Variants in LRRC4C observed in about 807,000 individuals in gnomAD.
LRRC4C encodes the protein leucine-rich repeat-containing protein 4C.
LRRC4C carries 5 observed loss-of-function variants against 33.6 expected under a neutral mutation model. That is an observed-to-expected ratio of 0.15 (90% CI 0.08 to 0.31). The LOEUF is 0.31. LRRC4C is among the 10% of genes least tolerant of loss of function. The pLI is 1.00. For missense variants in LRRC4C, 560 were observed against 796.7 expected, an observed-to-expected ratio of 0.70 and a Z score of 3.58; for synonymous variants, 329 against 302.0, an observed-to-expected ratio of 1.09 and a Z score of -0.93.
At chr11:40,571,349 C>G (rs1957976281) in intron 3 of LRRC4C, among the ~76,000 whole-genome samples, 1 of 151,892 alleles carries the variant, frequency 6.6e-6, no homozygotes, top group Admixed American at 6.6e-5. Flanking sequence ...TTGTATTTTC[C>G]TTGTATTGTA....
intron 1 of LRRC4C, among the ~76,000 whole-genome samples, chr11:41,067,623 GC>G (rs1244404444): frequency 6.6e-6 from 1 of 152,162 alleles, no homozygotes; most frequent in Admixed American, 6.5e-5. Context: ...GCTTTTCAGT[GC>G]CGCATGGCAC....
At chr11:40,227,964 C>A (rs1248642434) in intron 5 of LRRC4C, among the ~76,000 whole-genome samples, 3 of 152,154 alleles carry the variant, frequency 2.0e-5, no homozygotes, top group Admixed American at 6.5e-5. Context: ...ATCTGCATGA[C>A]AGTTTATGAT....
chr11:41,332,011 A>G (rs183714895), intron 1 of LRRC4C, among the ~76,000 whole-genome samples: 2 of 152,290 alleles, frequency 1.3e-5, no homozygotes. Context: ...TCTTAACCTT[A>G]TATGTATTTG....
intron 2 of LRRC4C, among the ~76,000 whole-genome samples, chr11:40,680,952 A>G (rs1375832669): frequency 1.3e-5 from 2 of 152,250 alleles, no homozygotes; most frequent in Non-Finnish European, 2.9e-5. Flanking sequence ...TGAACATGTT[A>G]CATTTTAAGT....
intron 1 of LRRC4C, among the ~76,000 whole-genome samples, chr11:41,211,584 G>GT (rs1438743556): frequency 6.6e-6 from 1 of 152,040 alleles, no homozygotes; most frequent in African/African-American, 2.4e-5. Context: ...GCAGTGTTTG[G>GT]TTTTTTGTCC....
rs191921493 is a variant in LRRC4C at position 40,168,401 on chromosome 11, C to T, written c.-95-27548G>A. ...GTTTTGAGCTGAGTAAAGAAGGGTT[C>T]GTTCAGATTTGCTCTAGTTTGCGTC... On this transcript the variant is annotated intron_variant, in intron 5 of 6. Transcript: ENST00000528697. Among the ~76,000 whole-genome samples the T allele has an allele frequency of 4.1e-4, 63 of 152,318 alleles. 1 individual carries two copies. Among genetic ancestry groups the T allele is most frequent in the South Asian group, 1.4e-3 (7 of 4,830 alleles).
intron 3 of LRRC4C, among the ~76,000 whole-genome samples, chr11:40,462,898 A>T (rs1411677225): frequency 6.6e-6 from 1 of 152,080 alleles, no homozygotes; most frequent in African/African-American, 2.4e-5. Flanking sequence ...CAAAAAATGG[A>T]TGAAGAATCT....
intron 1 of LRRC4C, among the ~76,000 whole-genome samples, chr11:41,068,824 C>T (rs1180031523): frequency 6.6e-6 from 1 of 151,950 alleles, no homozygotes; most frequent in Non-Finnish European, 1.5e-5. Context: ...GATTAACGGC[C>T]GAATTCTACC....
intron 3 of LRRC4C, among the ~76,000 whole-genome samples, chr11:40,510,403 T>C (rs1372529405): frequency 6.6e-6 from 1 of 151,970 alleles, no homozygotes; most frequent in East Asian, 1.9e-4. Context: ...AACAAACACA[T>C]GTGCATACAC....
intron 2 of LRRC4C, among the ~76,000 whole-genome samples, chr11:40,762,268 G>A (rs111376650): frequency 1.3e-5 from 2 of 152,146 alleles, no homozygotes; most frequent in Non-Finnish European, 2.9e-5. Flanking sequence ...ATTATCTAAG[G>A]TTGGTGATAC....
chr11:40,902,007 C>T (rs1565184681), intron 2 of LRRC4C, among the ~76,000 whole-genome samples: 1 of 93,280 alleles, frequency 1.1e-5, no homozygotes, highest in East Asian at 2.6e-4. Context: ...TCTACACACA[C>T]ACACACACAC....
At chr11:40,944,048 A>G (rs770303182) in intron 1 of LRRC4C, among the ~76,000 whole-genome samples, 4 of 152,200 alleles carry the variant, frequency 2.6e-5, no homozygotes. Context: ...GTAAATACAC[A>G]TCATTACATC....
At chr11:41,028,800 A>T (rs1175642629) in intron 1 of LRRC4C, among the ~76,000 whole-genome samples, 1 of 151,560 alleles carries the variant, frequency 6.6e-6, no homozygotes, top group African/African-American at 2.4e-5. Flanking sequence ...CATGGGGGCA[A>T]ATATATTACT....
intron 2 of LRRC4C, among the ~76,000 whole-genome samples, chr11:40,744,597 A>G (rs1948327351): frequency 6.6e-6 from 1 of 152,144 alleles, no homozygotes; most frequent in African/African-American, 2.4e-5. Flanking sequence ...TTACCATAGT[A>G]TCCTATACTG....
intron 3 of LRRC4C, among the ~76,000 whole-genome samples, chr11:40,451,507 T>C (rs1951886012): frequency 1.4e-5 from 2 of 147,926 alleles, no homozygotes; most frequent in East Asian, 4.3e-4. Context: ...TGCCTCAGCC[T>C]CCTGAGTAGC....
intron 1 of LRRC4C, among the ~76,000 whole-genome samples, chr11:41,358,135 A>G (rs1952226744): frequency 6.6e-6 from 1 of 152,174 alleles, no homozygotes; most frequent in Non-Finnish European, 1.5e-5. Context: ...AAAGAAGCAA[A>G]GGCATACCAA....
At chr11:40,574,406 G>A (rs1958101347) in intron 3 of LRRC4C, among the ~76,000 whole-genome samples, 1 of 152,102 alleles carries the variant, frequency 6.6e-6, no homozygotes, top group Non-Finnish European at 1.5e-5. Flanking sequence ...TGATTGTTGT[G>A]TTGCACAGAG....
intron 1 of LRRC4C, among the ~76,000 whole-genome samples, chr11:41,443,905 G>A (rs1477782776): frequency 6.6e-6 from 1 of 151,500 alleles, no homozygotes; most frequent in Non-Finnish European, 1.5e-5. Context: ...TTACAGGTGC[G>A]AGCCACTGCG....
At chr11:40,714,979 G>A (rs1391562540) in intron 2 of LRRC4C, among the ~76,000 whole-genome samples, 1 of 152,112 alleles carries the variant, frequency 6.6e-6, no homozygotes, top group African/African-American at 2.4e-5. Context: ...CTGTTTAGAG[G>A]ACACTATAAG....
Sources: gnomAD v4.1 joint callset for allele counts (sites outside exome capture counted in the v4.1 genomes callset) on GRCh38, gnomAD v4.1.1 for gene constraint, MANE v1.5 for transcripts, NCBI Gene and HGNC (gene_info 2026-07-23, HGNC 2026-07-21) for gene names.